Variants in ZC3H12B observed in about 807,000 individuals in gnomAD.
The protein encoded by ZC3H12B is probable ribonuclease ZC3H12B.
Under a neutral mutation model 43.9 loss-of-function variants are expected in ZC3H12B, and 7 were observed. The observed-to-expected ratio is 0.16, with a 90% CI of 0.09 to 0.30. The LOEUF (loss-of-function observed/expected upper bound fraction) is 0.30. ZC3H12B is among the 10% of genes least tolerant of loss of function. ZC3H12B has a pLI of 1.00. For missense variants in ZC3H12B, 475 were observed against 670.2 expected (o/e 0.71, Z 3.22); for synonymous variants, 222 against 241.7 (o/e 0.92, Z 0.76).
intron 3 of ZC3H12B, among the ~76,000 whole-genome samples, chrX:65,419,737 G>T (rs1433068219): frequency 1.8e-5 from 2 of 110,072 alleles, no homozygotes; most frequent in Non-Finnish European, 3.8e-5. Context: ...ATGGCCCTAG[G>T]ATCAAGATTG....
At chrX:65,043,894 G>A in the ZC3H12B span, among the ~76,000 whole-genome samples, 9 of 111,861 alleles carry the variant, frequency 8.0e-5, no homozygotes, top group Non-Finnish European at 1.7e-4. Flanking sequence ...AACCTAGATT[G>A]TAATCAAATC....
At chrX:65,159,771 T>C in the ZC3H12B span, among the ~76,000 whole-genome samples, 1 of 111,970 alleles carries the variant, frequency 8.9e-6, no homozygotes, top group Admixed American at 9.5e-5. Context: ...TCTTGCCTGA[T>C]TGCCCTGGCC....
the ZC3H12B span, among the ~76,000 whole-genome samples, chrX:65,354,896 G>T: frequency 9.0e-6 from 1 of 111,669 alleles, no homozygotes; most frequent in East Asian, 2.8e-4. Flanking sequence ...AATAAAGCTT[G>T]AAGACAAGAT....
intron 2 of ZC3H12B, among the ~76,000 whole-genome samples, chrX:65,388,072 C>T (rs996237105): frequency 1.5e-4 from 17 of 111,841 alleles, no homozygotes; most frequent in Admixed American, 6.6e-4. Context: ...CTGCCCTTGC[C>T]ATTTTTTCCT....
At chrX:65,243,735 G>A in the ZC3H12B span, among the ~76,000 whole-genome samples, 2 of 111,857 alleles carry the variant, frequency 1.8e-5, no homozygotes, top group East Asian at 2.8e-4. Context: ...TCTATCAATG[G>A]ATAAATGGAT....
chrX:65,232,718 A>G, the ZC3H12B span, among the ~76,000 whole-genome samples: 2 of 111,516 alleles, frequency 1.8e-5, no homozygotes, highest in African/African-American at 3.3e-5. Flanking sequence ...AAATAACAAA[A>G]TAGTGGTAGT....
At chrX:65,455,136 T>C (rs779515021) in intron 3 of ZC3H12B, among the ~76,000 whole-genome samples, 2 of 112,448 alleles carry the variant, frequency 1.8e-5, no homozygotes, top group South Asian at 7.3e-4. Context: ...AGAATTACTT[T>C]GACAAGTTGA....
the ZC3H12B span, among the ~76,000 whole-genome samples, chrX:65,116,182 G>T: frequency 9.0e-6 from 1 of 111,596 alleles, no homozygotes; most frequent in African/African-American, 3.3e-5. Context: ...ACAGTTTCAG[G>T]TCTTAGATTT....
At chrX:65,236,563 T>G in the ZC3H12B span, among the ~76,000 whole-genome samples, 2 of 112,127 alleles carry the variant, frequency 1.8e-5, no homozygotes, top group East Asian at 5.6e-4. Flanking sequence ...TAGGTCCCAT[T>G]TGTCAATTTT....
the ZC3H12B span, among the ~76,000 whole-genome samples, chrX:65,089,713 C>T: frequency 8.9e-6 from 1 of 112,261 alleles, no homozygotes; most frequent in African/African-American, 3.2e-5. Flanking sequence ...AGATGTACAG[C>T]TGTACAAAAT....
chrX:65,290,873 G>A, the ZC3H12B span, among the ~76,000 whole-genome samples: 2 of 110,539 alleles, frequency 1.8e-5, no homozygotes, highest in Admixed American at 9.6e-5. Flanking sequence ...GGATATGGAA[G>A]GATGAAGAGA....
At chrX:65,442,847 A>G (rs1266884741) in intron 3 of ZC3H12B, among the ~76,000 whole-genome samples, 2 of 111,781 alleles carry the variant, frequency 1.8e-5, no homozygotes, top group Non-Finnish European at 3.8e-5. Context: ...TCTAACAGGG[A>G]ACTGCCAAGC....
At position 65,472,976 on chromosome X, in the gene ZC3H12B, G is replaced by A. The variant is rs866925238; in HGVS notation, n.408-15670G>A. Among the ~76,000 whole-genome samples, 667 of 73,463 alleles carry A rather than the reference G, an allele frequency of 9.1e-3. 16 individuals are homozygous for A. Among genetic ancestry groups the A allele is most frequent in the African/African-American group, 0.051 (631 of 12,492 alleles). The allele number at this position is 73,463 out of a possible 115,157, so 63.8% of individuals were successfully genotyped here. ...TATGTTTGTGTATGTGTATGTGTGT[G>A]TATATATATATATATATATATGTAT... On this transcript the variant is annotated intron_variant and non_coding_transcript_variant, in intron 3 of 5. Coordinates refer to the ZC3H12B transcript ENST00000617377.
At chrX:65,297,469 T>C in the ZC3H12B span, among the ~76,000 whole-genome samples, 158 of 110,962 alleles carry the variant, frequency 1.4e-3, no homozygotes, top group African/African-American at 4.2e-3. Context: ...CAAGGAAAAC[T>C]ACAAAACACT....
At chrX:65,162,595 C>T in the ZC3H12B span, among the ~76,000 whole-genome samples, 2 of 112,021 alleles carry the variant, frequency 1.8e-5, no homozygotes, top group Non-Finnish European at 3.8e-5. Flanking sequence ...ACGTAGTTCT[C>T]GAGTCTTGGC....
At chrX:65,300,255 G>A in the ZC3H12B span, among the ~76,000 whole-genome samples, 11 of 112,200 alleles carry the variant, frequency 9.8e-5, no homozygotes, top group African/African-American at 2.3e-4. Context: ...TTTCTCAGCT[G>A]GAGGGCTTGT....
At chrX:65,351,575 A>G in the ZC3H12B span, among the ~76,000 whole-genome samples, 1 of 112,463 alleles carries the variant, frequency 8.9e-6, no homozygotes, top group South Asian at 3.7e-4. Context: ...CCATCTGACA[A>G]AGGGCTAATA....
chrX:65,163,730 G>A, the ZC3H12B span, among the ~76,000 whole-genome samples: 2 of 111,680 alleles, frequency 1.8e-5, no homozygotes, highest in Admixed American at 1.9e-4. Context: ...TCCCGAGTGA[G>A]GCAATGCCTC....
At chrX:65,138,100 G>A in the ZC3H12B span, among the ~76,000 whole-genome samples, 3 of 112,480 alleles carry the variant, frequency 2.7e-5, no homozygotes, top group African/African-American at 9.7e-5. Context: ...AAAGTCCTAG[G>A]ACTACTGGCA....
Sources: gnomAD v4.1 joint callset for allele counts (sites outside exome capture counted in the v4.1 genomes callset) on GRCh38, gnomAD v4.1.1 for gene constraint, MANE v1.5 for transcripts, NCBI Gene and HGNC (gene_info 2026-07-23, HGNC 2026-07-21) for gene names.